SATB1: variants seen among roughly 807,000 people sequenced by gnomAD.
The protein encoded by SATB1 is DNA-binding protein SATB1.
Under a neutral mutation model 86.9 loss-of-function variants are expected in SATB1, and 11 were observed. The ratio of observed to expected loss-of-function variants is 0.13; its 90% CI spans 0.08 to 0.21. The LOEUF (loss-of-function observed/expected upper bound fraction) is 0.21. Ranked by LOEUF, SATB1 falls within the 10% of genes least tolerant of loss-of-function variation. The pLI, the probability that SATB1 is intolerant of heterozygous loss-of-function variation, is 1.00. For missense variants in SATB1, 551 were observed against 937.6 expected (o/e 0.59, Z 5.39); for synonymous variants, 357 against 357.2 (o/e 1.00, Z 0.01).
chr3:18,400,162 G>A (rs933176177), intron 5 of SATB1, among the ~76,000 whole-genome samples: 8 of 152,256 alleles, frequency 5.3e-5, no homozygotes, highest in South Asian at 4.1e-4. Flanking sequence ...TTTCCTAGGT[G>A]GTGGGATGTA....
In SATB1 at chr3:18,348,570, T is replaced by C. The variant is rs564706923; in HGVS notation, c.*600A>G. Reference sequence around the variant, plus strand: ...TTAAAAAATCATGTAACAATGAGAATGAAAAAAAAGTACAGTGAACTTTTA... The same window carrying C: ...TTAAAAAATCATGTAACAATGAGAACGAAAAAAAAGTACAGTGAACTTTTA... On this transcript the variant is annotated 3_prime_UTR_variant, in exon 11 of 11. Transcript: ENST00000338745. 18 of 152,350 alleles carry C rather than the reference T, an allele frequency of 1.2e-4. No individual in the cohort carries two copies. The highest frequency in any genetic ancestry group is 4.3e-4 in the African/African-American group (18 of 41,468). The allele number at this position is 152,350 out of a possible 1,614,324, so 9.4% of individuals were successfully genotyped here.
At chr3:18,439,133 T>A (rs1357816456), upstream of SATB1, among the ~76,000 whole-genome samples, 4 of 152,206 alleles carry the variant, frequency 2.6e-5, no homozygotes, top group Non-Finnish European at 5.9e-5. Context: ...CTGGACTGAA[T>A]AAATTTCAGC....
At position 18,394,644 on chromosome 3, in the gene SATB1, A is replaced by C. The variant is rs747903546; in HGVS notation, c.1024T>G (p.Leu342Val). Reference sequence around the variant, plus strand: ...GGGTGGTTCAAGTATTGTTGGTTTAAGGACTGCTGGGCTAAAAGTCTATTC... The same window carrying C: ...GGGTGGTTCAAGTATTGTTGGTTTACGGACTGCTGGGCTAAAAGTCTATTC... ...AVNRLLAQQS[L>V]NQQYLNHPPP... The change falls in exon 7 of 11, where the codon TTA becomes GTA. Residue 342 changes from leucine (L) to valine (V), a missense_variant. This residue lies in a region of SATB1 where 119 missense variants were observed against 171.1 expected (regional missense o/e 0.70). Transcript: ENST00000338745. The surrounding 1 kb of genome is among the most constrained non-coding windows in gnomAD (Gnocchi z 5.9). 5.6e-6 allele frequency: 9 copies of C among 1,614,070 alleles called. No individual in the cohort carries two copies. Among genetic ancestry groups the C allele is most frequent in the Non-Finnish European group, 7.6e-6 (9 of 1,180,050 alleles).
intron 1 of SATB1, among the ~76,000 whole-genome samples, chr3:18,422,848 G>A (rs1698462097): frequency 6.6e-6 from 1 of 152,138 alleles, no homozygotes; most frequent in East Asian, 1.9e-4. Flanking sequence ...GTAATCATGA[G>A]GCTTAACAAC....
chr3:18,402,758 G>A (rs1207892865), intron 5 of SATB1, among the ~76,000 whole-genome samples: 2 of 152,094 alleles, frequency 1.3e-5, no homozygotes, highest in African/African-American at 2.4e-5. Context: ...AGGACTTGCC[G>A]ATGGTTTAGC....
intron 2 of SATB1, among the ~76,000 whole-genome samples, chr3:18,431,236 C>T (rs1440839691): frequency 6.6e-6 from 1 of 152,160 alleles, no homozygotes; most frequent in Non-Finnish European, 1.5e-5. Flanking sequence ...CCCTTCATGT[C>T]CCTTCTCACT....
chr3:18,367,668 C>T (rs118143956), intron 9 of SATB1, among the ~76,000 whole-genome samples: 5 of 152,158 alleles, frequency 3.3e-5, no homozygotes, highest in Admixed American at 3.3e-4. Context: ...TTTCTTTGTA[C>T]TGAGAATACT....
chr3:18,405,123 T>C (rs1697457030), intron 5 of SATB1, among the ~76,000 whole-genome samples: 1 of 152,056 alleles, frequency 6.6e-6, no homozygotes, highest in Admixed American at 6.6e-5. Context: ...TTATTTAAAA[T>C]ACACTCATTA....
Position 18,346,911 on chromosome 3 carries a change from C to T in SATB1, c.*2259G>A, listed in dbSNP as rs1694085774. The T allele has an allele frequency of 6.6e-6, 1 of 151,832 alleles. No individual in the cohort carries two copies. The highest frequency in any genetic ancestry group is 1.5e-5 in the Non-Finnish European group (1 of 67,952). The allele number at this position is 151,832 out of a possible 1,614,324, so 9.4% of individuals were successfully genotyped here. On this transcript the variant is annotated 3_prime_UTR_variant, in exon 11 of 11. Coordinates refer to ENST00000338745, the MANE Select transcript of SATB1 (RefSeq NM_002971.6). ...GTTTCTATTTTCTTAATTCAAATTCCTTTGGCTCAAATTATTACTTTTCTG... is the reference window on the plus strand; with the variant it reads ...GTTTCTATTTTCTTAATTCAAATTCTTTTGGCTCAAATTATTACTTTTCTG...
chr3:18,355,915 A>T (rs925412551), intron 9 of SATB1, among the ~76,000 whole-genome samples: 1 of 152,058 alleles, frequency 6.6e-6, no homozygotes, highest in Non-Finnish European at 1.5e-5. Context: ...CACTGCATAT[A>T]AAGAGGGCAA....
chr3:18,364,375 C>A (rs1695076123), intron 9 of SATB1, among the ~76,000 whole-genome samples: 1 of 151,882 alleles, frequency 6.6e-6, no homozygotes. Context: ...AGCAACAGAT[C>A]TAATAACTAC....
intron 6 of SATB1, among the ~76,000 whole-genome samples, chr3:18,395,801 C>T (rs1208506703): frequency 6.6e-6 from 1 of 152,142 alleles, no homozygotes; most frequent in African/African-American, 2.4e-5. Context: ...TGGCTAGGTT[C>T]CTCATATGGA....
chr3:18,386,420 T>C lies in SATB1; in HGVS notation c.1398A>G (p.Thr466=). The change falls in exon 8 of 11, where the codon ACA becomes ACG. Residue 466 remains threonine, a synonymous_variant. Transcript: ENST00000338745. This position sits in a 1 kb window ranked among gnomAD's most constrained non-coding sequence, Gnocchi z 4.5. The stretch of plus-strand genomic sequence containing the variant: ...GCACCTGGGGAGGACGGCTGGGTGG[T>C]GTGCTGATGAGGGGGGCAGGACCCA... ...SAMGPAPLIS[T]PPSRPPQVKT... is the part of the protein sequence containing the mutation. The C allele has an allele frequency of 1.2e-6, 2 of 1,613,480 alleles. No individual in the cohort carries two copies. Among genetic ancestry groups the C allele is most frequent in the South Asian group, 1.1e-5 (1 of 91,018 alleles).
intron 3 of SATB1, 91 bp downstream of exon 3, chr3:18,416,811 A>T: frequency 7.8e-7 from 1 of 1,277,972 alleles, no homozygotes; most frequent in Non-Finnish European, 1.1e-6. Flanking sequence ...CACAGGCTAC[A>T]GTTCTTTGAA....
intron 9 of SATB1, among the ~76,000 whole-genome samples, chr3:18,355,124 G>C (rs1295841290): frequency 6.6e-6 from 1 of 152,102 alleles, no homozygotes; most frequent in East Asian, 1.9e-4. Flanking sequence ...GGTGCAGCTG[G>C]GAACTGTTTG....
chr3:18,418,836 G>C (rs1698244606), intron 2 of SATB1, among the ~76,000 whole-genome samples: 1 of 152,094 alleles, frequency 6.6e-6, no homozygotes, highest in Non-Finnish European at 1.5e-5. Flanking sequence ...GAGTATCTGA[G>C]ACCCTCCTAC....
Position 18,349,820 on chromosome 3 carries a change from A to G in SATB1, c.1780-138T>C. On this transcript the variant is annotated intron_variant, in intron 10 of 10. Transcript: ENST00000338745. The surrounding 1 kb of genome is among the most constrained non-coding windows in gnomAD (Gnocchi z 5.5). ...GGATGAAGATTTAGAAAGAAAAGGT[A>G]GGCCGGCGAAATGGCCGACAGCATT... 1 of 1,405,832 alleles carries G rather than the reference A, an allele frequency of 7.1e-7. No individual in the cohort carries two copies. Among genetic ancestry groups the G allele is most frequent in the Non-Finnish European group, 9.3e-7 (1 of 1,075,062 alleles). 87.1% of individuals were successfully genotyped at this position (1,405,832 alleles called of 1,614,324 possible). A position where few individuals can be genotyped will look rare whatever the true frequency, so the allele number is the denominator to read the frequency against.
intron 9 of SATB1, among the ~76,000 whole-genome samples, chr3:18,377,520 A>C (rs1695822947): frequency 6.6e-6 from 1 of 152,114 alleles, no homozygotes; most frequent in Admixed American, 6.5e-5. Flanking sequence ...TTTTTTATTT[A>C]GTTTGGTAGA....
At position 18,346,862 on chromosome 3, in the gene SATB1, T is replaced by C. The variant is rs1694083395; in HGVS notation, c.*2308A>G. ...GCATTTGAGTTTCTATTTTATTTCC[T>C]ATTTTTTAAATACATGAAACCTAGT... On this transcript the variant is annotated 3_prime_UTR_variant, in exon 11 of 11. Coordinates refer to ENST00000338745, the MANE Select transcript of SATB1 (RefSeq NM_002971.6). 6.6e-6 allele frequency: 1 copy of C among 152,176 alleles called. No individual in the cohort carries two copies. Among genetic ancestry groups the C allele is most frequent in the Non-Finnish European group, 1.5e-5 (1 of 68,000 alleles). The allele number at this position is 152,176 out of a possible 1,614,324, so 9.4% of individuals were successfully genotyped here.
Sources: allele counts gnomAD v4.1 joint callset (sites outside exome capture counted in the v4.1 genomes callset), GRCh38; gene constraint gnomAD v4.1.1; regional missense constraint gnomAD v4.1.1; non-coding constraint Gnocchi (gnomAD v3.1); transcripts MANE v1.5; gene names NCBI Gene and HGNC (gene_info 2026-07-23, HGNC 2026-07-21).